Variants in CENPF observed in about 807,000 individuals in gnomAD.
The protein encoded by CENPF is centromere protein F.
In CENPF, 214 loss-of-function variants were observed where a neutral mutation model predicts 307.3. That is an observed-to-expected ratio of 0.70 (90% CI 0.62 to 0.78). The LOEUF (loss-of-function observed/expected upper bound fraction) is 0.78. Among genes scored for constraint, CENPF ranks in the 30% least tolerant of loss-of-function variants. The pLI, the probability that CENPF is intolerant of heterozygous loss-of-function variation, is 0.00. For missense variants in CENPF, 3,401 were observed against 3,483.9 expected, an observed-to-expected ratio of 0.98 and a Z score of 0.60; for synonymous variants, 1,259 against 1,270.6, an observed-to-expected ratio of 0.99 and a Z score of 0.19.
intron 14 of CENPF, among the ~76,000 whole-genome samples, chr1:214,649,600 TC>T (rs1414329118): frequency 3.9e-5 from 6 of 152,242 alleles, no homozygotes; most frequent in African/African-American, 1.4e-4. Context: ...AGAGATTTGT[TC>T]TTTTCTTTAA....
At position 214,647,160 on chromosome 1, in the gene CENPF, A is replaced by C. The variant is rs200834057; in HGVS notation, c.7590A>C (p.Gln2530His). ...KDEEISRLKN[Q>H]IQDQEQLVSK... is the part of the protein sequence containing the mutation. ...AAGAAATCAGTAGACTGAAAAATCA[A>C]ATTCAAGACCAAGAGCAGCTTGTCT... Residue 2530 changes from glutamine to histidine, a missense_variant, in exon 13 of 20, where the codon CAA becomes CAC. Transcript: ENST00000366955. The C allele has an allele frequency of 1.2e-6, 2 of 1,613,996 alleles. No homozygotes were observed. The highest frequency in any genetic ancestry group is 1.3e-5 in the African/African-American group (1 of 74,944).
At chr1:214,615,371 A>C (rs906688962) in intron 3 of CENPF, among the ~76,000 whole-genome samples, 4 of 152,184 alleles carry the variant, frequency 2.6e-5, no homozygotes, top group Non-Finnish European at 5.9e-5. Flanking sequence ...TCATACTATC[A>C]AATTGATAGT....
chr1:214,615,428 T>G (rs1422220286), intron 3 of CENPF, among the ~76,000 whole-genome samples: 2 of 152,188 alleles, frequency 1.3e-5, no homozygotes, highest in African/African-American at 2.4e-5. Flanking sequence ...TGATAGTACT[T>G]GTTAAAATAA....
chr1:214,616,891 TTCTTTCTTTCTTTCTTTCTTTC>T (rs1360844855), intron 3 of CENPF, among the ~76,000 whole-genome samples: 2 of 119,470 alleles, frequency 1.7e-5, no homozygotes, highest in African/African-American at 3.4e-5. Context: ...CTTTCTTTCT[TTCTTTCTTTCTTTCTTTCTTTC>T]TTTCTTTCTT....
At chr1:214,637,788 G>T in intron 10 of CENPF, 78 bp from the exon 11 acceptor site, 2 of 1,436,298 alleles carry the variant, frequency 1.4e-6, no homozygotes, top group East Asian at 2.4e-5. Context: ...AGTTCTGCTA[G>T]GGACCTTTAT....
chr1:214,657,236 G>A lies in CENPF; in HGVS notation c.8789G>A (p.Gly2930Asp). 2.5e-6 allele frequency: 4 copies of A among 1,614,042 alleles called. No individual in the cohort carries two copies. The highest frequency in any genetic ancestry group is 3.4e-6 in the Non-Finnish European group (4 of 1,180,006). ...RLSSGQNKAS[G>D]KRQRSSGIWE... ...TCATCTGGCCAAAATAAAGCTTCAG[G>A]CAAGAGGCAAAGATCCAGTGGAATA... The change falls in exon 18 of 20, where the codon GGC becomes GAC. Residue 2930 changes from glycine to aspartate, a missense_variant. Coordinates refer to ENST00000366955, the MANE Select transcript of CENPF (RefSeq NM_016343.4).
At position 214,608,959 on chromosome 1, in the gene CENPF, C is replaced by G. The variant is rs544435963; in HGVS notation, c.-41-4755C>G. 88 of 984,466 alleles carry G rather than the reference C, an allele frequency of 8.9e-5. No individual in the cohort carries two copies. In the African/African-American group the frequency reaches 1.5e-3, roughly 17 times the overall value. The allele number at this position is 984,466 out of a possible 1,614,324, so 61.0% of individuals were successfully genotyped here. On this transcript the variant is annotated intron_variant, in intron 1 of 19. Coordinates refer to ENST00000366955, the MANE Select transcript of CENPF (RefSeq NM_016343.4). The stretch of plus-strand genomic sequence containing the variant: ...TCGCGGGCAGGGGGGAGGGCGCCCC[C>G]CCAGCTACGGCCCCAGACGGCAGCC...
At chr1:214,608,711 C>A (rs1162530097) in intron 1 of CENPF, 2 of 1,595,014 alleles carry the variant, frequency 1.3e-6, no homozygotes, top group Non-Finnish European at 1.7e-6. Flanking sequence ...CCACCAGGCC[C>A]CGGCTCGGGC....
At chr1:214,623,427 T>A (rs957831293) in intron 7 of CENPF, among the ~76,000 whole-genome samples, 3 of 152,124 alleles carry the variant, frequency 2.0e-5, no homozygotes, top group African/African-American at 7.2e-5. Context: ...ATCCTCAGAT[T>A]TTGGTATCTG....
chr1:214,637,316 T>A (rs922875894), intron 10 of CENPF, among the ~76,000 whole-genome samples: 2 of 152,266 alleles, frequency 1.3e-5, no homozygotes, highest in African/African-American at 4.8e-5. Flanking sequence ...TATTTATATT[T>A]GCATTTTTTG....
Position 214,647,471 on chromosome 1 carries a change from CTG to C in CENPF, c.7830+74_7830+75del, listed in dbSNP as rs112340838. 5.1e-5 allele frequency: 75 copies of C among 1,462,728 alleles called. 3 individuals carry two copies. Among genetic ancestry groups the C allele is most frequent in the African/African-American group, 5.0e-4 (35 of 70,494 alleles). The allele number at this position is 1,462,728 out of a possible 1,614,324, so 90.6% of individuals were successfully genotyped here. On this transcript the variant is annotated intron_variant, in intron 13 of 19. Transcript: ENST00000366955. ...AGGAAACCATATTTTCTTCTAGACA[CTG>C]TGAATTGTATTTACTTCTAGACCGT...
At chr1:214,644,100 T>A (rs540325582) in intron 12 of CENPF, among the ~76,000 whole-genome samples, 1 of 152,258 alleles carries the variant, frequency 6.6e-6, no homozygotes, top group Non-Finnish European at 1.5e-5. Flanking sequence ...GTACAGTAAG[T>A]GCTGGATTGG....
At chr1:214,618,399 G>A (rs895962979) in intron 3 of CENPF, among the ~76,000 whole-genome samples, 174 bp from the exon 4 acceptor site, 16 of 152,206 alleles carry the variant, frequency 1.1e-4, no homozygotes, top group Non-Finnish European at 1.6e-4. Flanking sequence ...CTGGGTTTAT[G>A]TCTGGCACAT....
intron 1 of CENPF, among the ~76,000 whole-genome samples, chr1:214,606,393 C>T (rs1271282768): frequency 6.6e-6 from 1 of 152,164 alleles, no homozygotes; most frequent in East Asian, 1.9e-4. Flanking sequence ...TGGCGCCTCT[C>T]CTCCTGATCA....
intron 7 of CENPF, among the ~76,000 whole-genome samples, chr1:214,623,487 A>C (rs1247025234): frequency 6.6e-6 from 1 of 152,100 alleles, no homozygotes; most frequent in Non-Finnish European, 1.5e-5. Context: ...ATGACTGTAC[A>C]CCCACCACTG....
intron 19 of CENPF, 56 bp from the exon 20 acceptor site, chr1:214,663,535 C>G: frequency 6.5e-7 from 1 of 1,537,462 alleles, no homozygotes; most frequent in Non-Finnish European, 9.0e-7. Flanking sequence ...CTTTATTTTT[C>G]ATGTTGTGGA....
Position 214,619,461 on chromosome 1 carries a change from TAC to T in CENPF, c.573+244_573+245del, listed in dbSNP as rs557660224. On this transcript the variant is annotated intron_variant, in intron 5 of 19. Coordinates refer to ENST00000366955, the MANE Select transcript of CENPF (RefSeq NM_016343.4). ...CTAAATATTAAATGTTCATATAATGTACACTTAATTATTTCCCTATTAAGACC... is the reference window on the plus strand; with the variant it reads ...CTAAATATTAAATGTTCATATAATGTACTTAATTATTTCCCTATTAAGACC... Among the ~76,000 whole-genome samples, 8 of 152,328 alleles carry T rather than the reference TAC, an allele frequency of 5.3e-5. No homozygotes were observed. In the South Asian group the frequency reaches 1.5e-3, roughly 28 times the overall value.
chr1:214,630,563 A>G lies in CENPF; in HGVS notation c.1224A>G (p.Gln408=). 1 of 1,613,984 alleles carries G rather than the reference A, an allele frequency of 6.2e-7. No homozygotes were observed. The highest frequency in any genetic ancestry group is 8.5e-7 in the Non-Finnish European group (1 of 1,179,970). ...TCTCCCGTCAACAGCGTTCTTTCCAAACACTGGACCAGGAGTGCATCCAGA... is the reference window on the plus strand; with the variant it reads ...TCTCCCGTCAACAGCGTTCTTTCCAGACACTGGACCAGGAGTGCATCCAGA... ...EELSRQQRSF[Q]TLDQECIQMK... is the part of the protein sequence containing the mutation. The change falls in exon 9 of 20, where the codon CAA becomes CAG. Residue 408 remains glutamine (Q), a synonymous_variant. Transcript: ENST00000366955.
chr1:214,636,854 G>A (rs936750636), intron 10 of CENPF, among the ~76,000 whole-genome samples: 1 of 152,190 alleles, frequency 6.6e-6, no homozygotes, highest in Non-Finnish European at 1.5e-5. Flanking sequence ...GAGGATGTGA[G>A]GTGCTTGGTT....
Sources: gnomAD v4.1 joint callset for allele counts (sites outside exome capture counted in the v4.1 genomes callset) on GRCh38, gnomAD v4.1.1 for gene constraint, MANE v1.5 for transcripts, NCBI Gene and HGNC (gene_info 2026-07-23, HGNC 2026-07-21) for gene names.